Variants in CDK19 observed in about 807,000 individuals in gnomAD.
CDK19 encodes the protein cyclin dependent kinase 19, also known as cyclin-dependent kinase 19.
In CDK19, 20 loss-of-function variants were observed where a neutral mutation model predicts 68.3. That is an observed-to-expected ratio of 0.29 (90% CI 0.21 to 0.43). The LOEUF (loss-of-function observed/expected upper bound fraction) is 0.43. Ranked by LOEUF, CDK19 falls within the 20% of genes least tolerant of loss-of-function variation. The pLI is 1.00. For missense variants in CDK19, 339 were observed against 623.5 expected (o/e 0.54, Z 4.86); for synonymous variants, 221 against 222.8 (o/e 0.99, Z 0.07).
At chr6:110,754,671 A>G (rs2114920344) in intron 1 of CDK19, among the ~76,000 whole-genome samples, 1 of 151,974 alleles carries the variant, frequency 6.6e-6, no homozygotes, top group South Asian at 2.1e-4. Context: ...TAGTAGAAAC[A>G]GGGTTTCACC....
chr6:110,752,717 C>T (rs985847634), intron 1 of CDK19, among the ~76,000 whole-genome samples: 3 of 152,140 alleles, frequency 2.0e-5, no homozygotes, highest in Non-Finnish European at 4.4e-5. Flanking sequence ...CTTAGAAAGA[C>T]TACCTTTATT....
chr6:110,718,779 G>C (rs1266238300), intron 2 of CDK19, among the ~76,000 whole-genome samples: 1 of 151,786 alleles, frequency 6.6e-6, no homozygotes, highest in Non-Finnish European at 1.5e-5. Context: ...ATCACTAAAA[G>C]ATATACCAAA....
intron 2 of CDK19, among the ~76,000 whole-genome samples, chr6:110,737,922 C>CCTTGTGTGTGATCTTGCT (rs1185217245): frequency 2.0e-5 from 3 of 152,146 alleles, no homozygotes; most frequent in Non-Finnish European, 4.4e-5. Flanking sequence ...AAGGATCACA[C>CCTTGTGTGTGATCTTGCT]CAAAGAACAG....
At chr6:110,634,110 A>C (rs1010732911) in intron 5 of CDK19, among the ~76,000 whole-genome samples, 2 of 152,256 alleles carry the variant, frequency 1.3e-5, no homozygotes, top group Admixed American at 6.5e-5. Flanking sequence ...AATGTCATTT[A>C]ATCTAAAACT....
intron 2 of CDK19, among the ~76,000 whole-genome samples, chr6:110,672,685 T>C (rs1386875381): frequency 6.6e-6 from 1 of 152,202 alleles, no homozygotes; most frequent in Non-Finnish European, 1.5e-5. Flanking sequence ...ACACAAAAGA[T>C]AGCATAATAT....
intron 2 of CDK19, among the ~76,000 whole-genome samples, chr6:110,682,973 C>T (rs547255125): frequency 1.3e-5 from 2 of 151,964 alleles, no homozygotes; most frequent in East Asian, 1.9e-4. Flanking sequence ...GTCAGGAGTT[C>T]GAGACCAGCC....
intron 1 of CDK19, among the ~76,000 whole-genome samples, chr6:110,759,418 A>AT (rs1554219475): frequency 1.7e-3 from 192 of 114,548 alleles, no homozygotes; most frequent in African/African-American, 7.2e-3. Context: ...AAAAAAAAAA[A>AT]AAAAAAAAAA....
chr6:110,802,614 C>T (rs1333195954), intron 1 of CDK19, among the ~76,000 whole-genome samples: 1 of 152,140 alleles, frequency 6.6e-6, no homozygotes, highest in East Asian at 1.9e-4. Context: ...CAAGCCCAAA[C>T]TCAGCATTAT....
intron 2 of CDK19, among the ~76,000 whole-genome samples, chr6:110,745,695 G>A (rs994643315): frequency 6.6e-6 from 1 of 152,046 alleles, no homozygotes; most frequent in Non-Finnish European, 1.5e-5. Flanking sequence ...GGCTACATAT[G>A]GTGGCTCACA....
At chr6:110,691,773 G>GA (rs1474277034) in intron 2 of CDK19, among the ~76,000 whole-genome samples, 23 of 151,098 alleles carry the variant, frequency 1.5e-4, no homozygotes, top group African/African-American at 4.8e-4. Flanking sequence ...TCAGCCTCCT[G>GA]AGTAGCTGGG....
At chr6:110,715,993 G>A (rs542179361) in intron 2 of CDK19, among the ~76,000 whole-genome samples, 2 of 152,164 alleles carry the variant, frequency 1.3e-5, no homozygotes, top group African/African-American at 4.8e-5. Flanking sequence ...AACAAAGCAC[G>A]CATTTTCTGT....
At chr6:110,698,581 T>C (rs1421101513) in intron 2 of CDK19, among the ~76,000 whole-genome samples, 1 of 152,158 alleles carries the variant, frequency 6.6e-6, no homozygotes, top group Non-Finnish European at 1.5e-5. Flanking sequence ...ACAACCTCTA[T>C]GGAAAACAGT....
At chr6:110,755,041 CT>C (rs34041330) in intron 1 of CDK19, among the ~76,000 whole-genome samples, 4,587 of 131,630 alleles carry the variant, frequency 0.035, 66 homozygotes, top group Non-Finnish European at 0.054. Context: ...CTTGTGAATC[CT>C]TTTTTTTTTT....
chr6:110,792,669 G>A (rs1249985113), intron 1 of CDK19, among the ~76,000 whole-genome samples: 3 of 152,182 alleles, frequency 2.0e-5, no homozygotes, highest in Non-Finnish European at 2.9e-5. Flanking sequence ...GACAGGCGAG[G>A]GATGGACATT....
At chr6:110,726,555 G>A (rs1012451213) in intron 2 of CDK19, among the ~76,000 whole-genome samples, 1 of 152,136 alleles carries the variant, frequency 6.6e-6, no homozygotes, top group African/African-American at 2.4e-5. Flanking sequence ...AATAGGGTGG[G>A]GAGGGATCTT....
intron 1 of CDK19, among the ~76,000 whole-genome samples, chr6:110,756,129 C>A (rs972206144): frequency 3.9e-5 from 6 of 152,098 alleles, no homozygotes; most frequent in East Asian, 1.9e-4. Context: ...GTGGCACACA[C>A]CTGCAATCAC....
At chr6:110,747,692 A>AGTTTTAGTAGGT (rs1427160525) in intron 1 of CDK19, among the ~76,000 whole-genome samples, 3 of 152,206 alleles carry the variant, frequency 2.0e-5, no homozygotes, top group African/African-American at 7.2e-5. Context: ...CTACTAAAAC[A>AGTTTTAGTAGGT]ATCTTTAGTA....
At chr6:110,640,843 G>A (rs1218075688) in intron 4 of CDK19, among the ~76,000 whole-genome samples, 1 of 152,142 alleles carries the variant, frequency 6.6e-6, no homozygotes, top group African/African-American at 2.4e-5. Context: ...TGTGGTCCCA[G>A]CTACTTGGGA....
chr6:110,614,518 G>A lies in CDK19; in HGVS notation c.*17C>T. 6.2e-7 allele frequency: 1 copy of A among 1,612,428 alleles called. No homozygotes were observed. The highest frequency in any genetic ancestry group is 8.5e-7 in the Non-Finnish European group (1 of 1,178,834). ...CCTGTGCTCTGGGCTGGGCTGGCCT[G>A]GCCCAACGGGAGCTGGTCAGTACCG... is the stretch of plus-strand genomic sequence containing the variant. On this transcript the variant is annotated 3_prime_UTR_variant, in exon 13 of 13. Coordinates refer to ENST00000368911, the MANE Select transcript of CDK19 (RefSeq NM_015076.5).
Sources: allele counts gnomAD v4.1 joint callset (sites outside exome capture counted in the v4.1 genomes callset), GRCh38; gene constraint gnomAD v4.1.1; transcripts MANE v1.5; gene names NCBI Gene and HGNC (gene_info 2026-07-23, HGNC 2026-07-21).